The following DGKI variants were observed in gnomAD, a reference collection of about 807,000 sequenced individuals.
DGKI encodes DAG kinase iota.
DGKI carries 55 observed loss-of-function variants against 147.5 expected under a neutral mutation model. The ratio of observed to expected loss-of-function variants is 0.37; its 90% CI spans 0.30 to 0.47. The LOEUF is 0.47. Ranked by LOEUF, DGKI falls within the 20% of genes least tolerant of loss-of-function variation. DGKI has a pLI of 1.00. For synonymous variants in DGKI, 469 were observed against 477.1 expected, an observed-to-expected ratio of 0.98 and a Z score of 0.22; for missense variants, 1,007 against 1,323.8, an observed-to-expected ratio of 0.76 and a Z score of 3.71.
intron 27 of DGKI, among the ~76,000 whole-genome samples, chr7:137,452,237 T>C (rs1164195701): frequency 5.9e-5 from 9 of 152,158 alleles, no homozygotes; most frequent in African/African-American, 1.9e-4. Flanking sequence ...AGAGTTTAAA[T>C]AGGCACAAGA....
intron 6 of DGKI, among the ~76,000 whole-genome samples, chr7:137,643,290 C>CAAAAAAAA: frequency 1.6e-5 from 1 of 61,656 alleles, no homozygotes; most frequent in African/African-American, 7.2e-5. Context: ...GACTCCGTCT[C>CAAAAAAAA]AAAAAAAAAA....
At position 137,585,275 on chromosome 7, in the gene DGKI, G is replaced by C; in HGVS notation, c.1497C>G (p.Arg499=). The change falls in exon 14 of 33, where the codon CGC becomes CGG. Residue 499 remains arginine (R), a synonymous_variant. Coordinates refer to ENST00000614521, the MANE Select transcript of DGKI (RefSeq NM_001321708.2). ...VEDGTVVQLD[R]WNLHVERNPD... is the part of the protein sequence containing the mutation. ...GGTTTCTTTCCACATGGAGGTTCCA[G>C]CGATCTAGCTGTACAACTGTCCCAT... 6.2e-7 allele frequency: 1 copy of C among 1,614,122 alleles called. No homozygotes were observed. The highest frequency in any genetic ancestry group is 8.5e-7 in the Non-Finnish European group (1 of 1,180,000).
intron 21 of DGKI, among the ~76,000 whole-genome samples, chr7:137,491,195 T>C (rs1290232236): frequency 6.6e-6 from 1 of 152,142 alleles, no homozygotes; most frequent in Non-Finnish European, 1.5e-5. Context: ...GAGCTGAGGT[T>C]AAAGGAGGTG....
rs533347592 is a variant in DGKI, at chr7:137,549,463, A to G, written c.2147+2906T>C. Among the ~76,000 whole-genome samples the G allele has an allele frequency of 7.9e-5, 12 of 152,298 alleles. No individual in the cohort carries two copies. The Middle Eastern group carries it at 0.01, about 130-fold the overall frequency. ...AAGCCTAATTTTTAAAGATGAATTA[A>G]ACAACCACCTTCTTCTTACTGGGAA... On this transcript the variant is annotated intron_variant, in intron 20 of 32. Coordinates refer to ENST00000614521, the MANE Select transcript of DGKI (RefSeq NM_001321708.2).
intron 6 of DGKI, among the ~76,000 whole-genome samples, chr7:137,644,714 T>C (rs2129008130): frequency 6.6e-6 from 1 of 152,354 alleles, no homozygotes; most frequent in South Asian, 2.1e-4. Flanking sequence ...ATTAATGTCA[T>C]TTAAATTGGT....
At chr7:137,629,224 G>GA (rs10537666) in intron 6 of DGKI, among the ~76,000 whole-genome samples, 2,450 of 140,338 alleles carry the variant, frequency 0.017, 34 homozygotes, top group South Asian at 0.039. Flanking sequence ...TATGATTTTT[G>GA]AAAAAAAAAA....
chr7:137,433,508 T>C (rs1208608304), intron 28 of DGKI, among the ~76,000 whole-genome samples: 1 of 152,196 alleles, frequency 6.6e-6, no homozygotes, highest in Non-Finnish European at 1.5e-5. Context: ...TAGTAACAAT[T>C]AGCCTCACAT....
chr7:137,660,327 T>C (rs1161081963), intron 3 of DGKI, among the ~76,000 whole-genome samples: 2 of 152,210 alleles, frequency 1.3e-5, no homozygotes, highest in African/African-American at 4.8e-5. Context: ...GACCAACATT[T>C]ACTTAAATAA....
At chr7:137,757,382 C>T (rs1369156781) in intron 1 of DGKI, among the ~76,000 whole-genome samples, 1 of 152,168 alleles carries the variant, frequency 6.6e-6, no homozygotes, top group Non-Finnish European at 1.5e-5. Context: ...AGTTTTCCTA[C>T]ACCCTCTCCT....
intron 1 of DGKI, among the ~76,000 whole-genome samples, chr7:137,762,863 A>G (rs74637818): frequency 0.032 from 4,925 of 152,296 alleles, 99 homozygotes; most frequent in Middle Eastern, 0.068. Flanking sequence ...AGCCTGTTCC[A>G]GACAAATAGG....
intron 27 of DGKI, among the ~76,000 whole-genome samples, chr7:137,458,578 C>T (rs540528707): frequency 2.0e-5 from 3 of 152,282 alleles, no homozygotes; most frequent in African/African-American, 7.2e-5. Flanking sequence ...CCTTTACCTG[C>T]CTGCTCTTAA....
At chr7:137,726,451 TAGTTACCAA>T (rs1794721615) in intron 1 of DGKI, among the ~76,000 whole-genome samples, 1 of 152,242 alleles carries the variant, frequency 6.6e-6, no homozygotes, top group African/African-American at 2.4e-5. Flanking sequence ...GATAATTCCG[TAGTTACCAA>T]AAACAACTCT....
chr7:137,455,640 G>GC (rs1814165979), intron 27 of DGKI, among the ~76,000 whole-genome samples: 3 of 15,570 alleles, frequency 1.9e-4, no homozygotes, highest in Non-Finnish European at 9.2e-4. Context: ...AAAAAAAAAA[G>GC]GGGGGGGGGC....
At chr7:137,480,038 A>G (rs1815318443) in intron 23 of DGKI, among the ~76,000 whole-genome samples, 1 of 152,154 alleles carries the variant, frequency 6.6e-6, no homozygotes, top group South Asian at 2.1e-4. Flanking sequence ...GATTTCGAAG[A>G]TGAAGACAGT....
chr7:137,517,319 GAAA>G (rs1816801285), intron 21 of DGKI, among the ~76,000 whole-genome samples: 1 of 100,926 alleles, frequency 9.9e-6, no homozygotes, highest in South Asian at 4.1e-4. Context: ...AAGAAAGAAA[GAAA>G]GAAAGAAAGA....
At chr7:137,413,717 C>G (rs1028802037) in intron 28 of DGKI, among the ~76,000 whole-genome samples, 2 of 152,112 alleles carry the variant, frequency 1.3e-5, no homozygotes, top group South Asian at 2.1e-4. Flanking sequence ...CAGGTCTTTA[C>G]TATTGTAAAT....
chr7:137,413,612 T>G (rs1812248199), intron 28 of DGKI, among the ~76,000 whole-genome samples: 2 of 152,206 alleles, frequency 1.3e-5, no homozygotes, highest in African/African-American at 4.8e-5. Flanking sequence ...AAGGACATGA[T>G]TTCATTCTTT....
intron 2 of DGKI, among the ~76,000 whole-genome samples, chr7:137,682,304 C>T (rs557044264): frequency 1.3e-5 from 2 of 152,182 alleles, no homozygotes; most frequent in Non-Finnish European, 1.5e-5. Flanking sequence ...CTCAGGAACC[C>T]GTCTCCAGCT....
rs183158387 is a variant in DGKI, at chr7:137,805,566, C to A, written c.401+40896G>T. Among the ~76,000 whole-genome samples, 376 of 152,326 alleles carry A rather than the reference C, an allele frequency of 2.5e-3. 3 individuals carry two copies. The highest frequency in any genetic ancestry group is 8.6e-3 in the African/African-American group (357 of 41,574). ...TCTCCACCAGAAACAATGGAAAAAACCATGTTCTTCAAGGCCAAACAAGGG... is the reference window on the plus strand; with the variant it reads ...TCTCCACCAGAAACAATGGAAAAAAACATGTTCTTCAAGGCCAAACAAGGG... On this transcript the variant is annotated intron_variant, in intron 1 of 32. Transcript: ENST00000614521.
Sources: gnomAD v4.1 joint callset for allele counts (sites outside exome capture counted in the v4.1 genomes callset) on GRCh38, gnomAD v4.1.1 for gene constraint, MANE v1.5 for transcripts, NCBI Gene and HGNC (gene_info 2026-07-23, HGNC 2026-07-21) for gene names.